Variants in RND2 observed in about 807,000 individuals in gnomAD.
RND2 encodes the protein Rho family GTPase 2.
RND2 carries 16 observed loss-of-function variants against 25.9 expected under a neutral mutation model. That is an observed-to-expected ratio of 0.62 (90% CI 0.42 to 0.94). The LOEUF is 0.94. RND2 is among the 40% of genes least tolerant of loss of function. The pLI, the probability that RND2 is intolerant of heterozygous loss-of-function variation, is 0.00. For missense variants in RND2, 276 were observed against 305.5 expected, an observed-to-expected ratio of 0.90 and a Z score of 0.72; for synonymous variants, 97 against 118.1, an observed-to-expected ratio of 0.82 and a Z score of 1.16.
At chr17:43,026,598 G>A (rs908881259) in intron 2 of RND2, among the ~76,000 whole-genome samples, 4 of 152,220 alleles carry the variant, frequency 2.6e-5, no homozygotes, top group Admixed American at 6.5e-5. Context: ...GCAGTGAGCC[G>A]AGATCATGCC....
intron 2 of RND2, chr17:43,026,347 G>T: frequency 2.8e-6 from 1 of 350,994 alleles, no homozygotes. Context: ...GATAAGACTG[G>T]GTTTAGAAAA....
chr17:43,030,260 C>G lies in RND2; in HGVS notation c.*1580C>G, dbSNP rs544065735. On this transcript the variant is annotated 3_prime_UTR_variant, in exon 5 of 5. Transcript: ENST00000587250. Reference sequence around the variant, plus strand: ...CCACTGGCCTCTTTTCGGTGACATTCTCCCCCAGGAACCATCCCTGGCCCT... The same window carrying G: ...CCACTGGCCTCTTTTCGGTGACATTGTCCCCCAGGAACCATCCCTGGCCCT... 5.2e-5 allele frequency: 8 copies of G among 153,106 alleles called. No homozygotes were observed. In the Admixed American group the frequency reaches 5.2e-4, roughly 10 times the overall value. The allele number at this position is 153,106 out of a possible 1,614,324, so 9.5% of individuals were successfully genotyped here. A position where few individuals can be genotyped will look rare whatever the true frequency, so the allele number is the denominator to read the frequency against.
chr17:43,029,799 C>CAGGAGA lies in RND2; in HGVS notation c.*1121_*1126dup, dbSNP rs2050657342. 6.7e-6 allele frequency: 1 copy of CAGGAGA among 148,472 alleles called. No homozygotes were observed. Among genetic ancestry groups the CAGGAGA allele is most frequent in the South Asian group, 2.1e-4 (1 of 4,716 alleles). 9.2% of individuals were successfully genotyped at this position (148,472 alleles called of 1,614,324 possible). A position where few individuals can be genotyped will look rare whatever the true frequency, so the allele number is the denominator to read the frequency against. ...GTCCCAGCTGCTCGGGAGGCTGAGG[C>CAGGAGA]AGGAGAATGGTGTGAACCCGGGTGA... On this transcript the variant is annotated 3_prime_UTR_variant, in exon 5 of 5. Transcript: ENST00000587250.
rs1164151163 is a variant in RND2 at position 43,027,344 on chromosome 17, T to A, written c.300+52T>A. On this transcript the variant is annotated intron_variant, in intron 3 of 4. Coordinates refer to ENST00000587250, the MANE Select transcript of RND2 (RefSeq NM_005440.5). ...TAGACTGAGGGGGACCAGACCACCA[T>A]GGTCCTGACATAACATGGGCCAGGA... is the stretch of plus-strand genomic sequence containing the variant. 5 of 1,260,918 alleles carry A rather than the reference T, an allele frequency of 4.0e-6. No homozygotes were observed. In the South Asian group the frequency reaches 6.6e-5, roughly 17 times the overall value. 78.1% of individuals were successfully genotyped at this position (1,260,918 alleles called of 1,614,324 possible).
intron 2 of RND2, 146 bp from the exon 3 acceptor site, chr17:43,027,037 T>G (rs1289377005): frequency 6.1e-6 from 3 of 490,586 alleles, no homozygotes; most frequent in South Asian, 8.9e-5. Flanking sequence ...AAACCCAGAC[T>G]CCATGATGGG....
Position 43,028,423 on chromosome 17 carries a change from C to G in RND2, c.436-9C>G. 2 of 1,611,592 alleles carry G rather than the reference C, an allele frequency of 1.2e-6. No homozygotes were observed. The highest frequency in any genetic ancestry group is 1.7e-6 in the Non-Finnish European group (2 of 1,177,842). ...ATAACTTTCTCCCATGCACTCCTTC[C>G]TTTTCCAGGGCACTGTGCTGGCCAA... is the stretch of plus-strand genomic sequence containing the variant. On this transcript the variant is annotated splice_polypyrimidine_tract_variant and intron_variant, in intron 4 of 4. Transcript: ENST00000587250.
Position 43,025,275 on chromosome 17 carries a change from T to C in RND2, c.-73T>C, listed in dbSNP as rs2050609996. ...GTGTTGGCGGCCCGAGCGGCTGCAG[T>C]TGCAGGGGCGGGGGAGGCGGCGGCG... On this transcript the variant is annotated 5_prime_UTR_variant, in exon 1 of 5. Coordinates refer to ENST00000587250, the MANE Select transcript of RND2 (RefSeq NM_005440.5). 7.6e-7 allele frequency: 1 copy of C among 1,324,420 alleles called. No individual in the cohort carries two copies. Among genetic ancestry groups the C allele is most frequent in the Admixed American group, 2.8e-5 (1 of 35,654 alleles). 82.0% of individuals were successfully genotyped at this position (1,324,420 alleles called of 1,614,324 possible). A position where few individuals can be genotyped will look rare whatever the true frequency, so the allele number is the denominator to read the frequency against.
rs761872784 is a variant in RND2 at position 43,025,428 on chromosome 17, C to T, written c.81C>T (p.Phe27=). The change falls in exon 1 of 5, where the codon TTC becomes TTT. Residue 27 remains phenylalanine, a synonymous_variant. Coordinates refer to ENST00000587250, the MANE Select transcript of RND2 (RefSeq NM_005440.5). ...GCAAGACGGCGCTGCTGCAGGTGTT[C>T]GCCAAGGACGCCTATCCCGGGGTGA... ...ECGKTALLQV[F]AKDAYPGSYV... is the part of the protein sequence containing the mutation. 2 of 1,548,078 alleles carry T rather than the reference C, an allele frequency of 1.3e-6. No homozygotes were observed. Among genetic ancestry groups the T allele is most frequent in the Non-Finnish European group, 8.7e-7 (1 of 1,146,634 alleles).
In RND2 at chr17:43,025,983, G is replaced by A; in HGVS notation, c.126G>A (p.Glu42=). The change falls in exon 2 of 5, where the codon GAG becomes GAA. Residue 42 remains glutamate, a synonymous_variant. Coordinates refer to ENST00000587250, the MANE Select transcript of RND2 (RefSeq NM_005440.5). ...YPGSYVPTVF[E]NYTASFEIDK... ...AGAGTTATGTCCCCACCGTGTTTGA[G>A]AACTACACTGCGAGCTTTGAGATCG... 1 of 1,612,926 alleles carries A rather than the reference G, an allele frequency of 6.2e-7. No homozygotes were observed. Among genetic ancestry groups the A allele is most frequent in the East Asian group, 2.2e-5 (1 of 44,822 alleles).
In RND2 at chr17:43,030,869, T is replaced by C. The variant is rs2050667332; in HGVS notation, c.*2189T>C. The C allele has an allele frequency of 6.6e-6, 1 of 151,598 alleles. No individual in the cohort carries two copies. Among genetic ancestry groups the C allele is most frequent in the Non-Finnish European group, 1.5e-5 (1 of 67,904 alleles). 9.4% of individuals were successfully genotyped at this position (151,598 alleles called of 1,614,324 possible). Reference sequence around the variant, plus strand: ...GCCACCAGGAATTTCAGGCAGAGAGTGAAGTGATCAGAGTTGTTTTTTGGA... The same window carrying C: ...GCCACCAGGAATTTCAGGCAGAGAGCGAAGTGATCAGAGTTGTTTTTTGGA... On this transcript the variant is annotated 3_prime_UTR_variant, in exon 5 of 5. Coordinates refer to ENST00000587250, the MANE Select transcript of RND2 (RefSeq NM_005440.5).
Position 43,028,909 on chromosome 17 carries a change from G to A in RND2, c.*229G>A, listed in dbSNP as rs1173052881. On this transcript the variant is annotated 3_prime_UTR_variant, in exon 5 of 5. Coordinates refer to ENST00000587250, the MANE Select transcript of RND2 (RefSeq NM_005440.5). ...GGGAGCTAACAGGGCTGGCATCTGG[G>A]GCATGAACTGGGATGGGGCAGGTGG... 3 of 621,934 alleles carry A rather than the reference G, an allele frequency of 4.8e-6. No homozygotes were observed. In the African/African-American group the frequency reaches 5.5e-5, roughly 12 times the overall value. The allele number at this position is 621,934 out of a possible 1,614,324, so 38.5% of individuals were successfully genotyped here.
Position 43,025,377 on chromosome 17 carries a change from C to G in RND2, c.30C>G (p.Ile10Met). MEGQSGRCK[I>M]VVVGDAECGK... ...AGGGGCAGAGCGGCCGCTGCAAGAT[C>G]GTGGTGGTGGGAGACGCAGAGTGCG... Residue 10 changes from isoleucine to methionine, a missense_variant, in exon 1 of 5, where the codon ATC (isoleucine) becomes ATG (methionine). Transcript: ENST00000587250. The G allele has an allele frequency of 1.3e-6, 2 of 1,551,474 alleles. No individual in the cohort carries two copies. The highest frequency in any genetic ancestry group is 1.4e-5 in the African/African-American group (1 of 73,442).
rs1256541237 is a variant in RND2 at position 43,029,184 on chromosome 17, C to T, written c.*504C>T. The T allele has an allele frequency of 1.9e-5, 3 of 154,950 alleles. No homozygotes were observed. The highest frequency in any genetic ancestry group is 4.3e-5 in the Non-Finnish European group (3 of 69,692). 9.6% of individuals were successfully genotyped at this position (154,950 alleles called of 1,614,324 possible). A position where few individuals can be genotyped will look rare whatever the true frequency, so the allele number is the denominator to read the frequency against. On this transcript the variant is annotated 3_prime_UTR_variant, in exon 5 of 5. Coordinates refer to ENST00000587250, the MANE Select transcript of RND2 (RefSeq NM_005440.5). ...CATCAGTCCACCAGCCCTAGAACCT[C>T]CCTTGCCTCAACAGTCACCTAATAA...
chr17:43,026,006 T>C lies in RND2; in HGVS notation c.149T>C (p.Ile50Thr). The change falls in exon 2 of 5, where the codon ATC becomes ACC. Residue 50 changes from isoleucine (I) to threonine (T), a missense_variant. Coordinates refer to ENST00000587250, the MANE Select transcript of RND2 (RefSeq NM_005440.5). The part of the protein sequence containing the change: ...VFENYTASFE[I>T]DKRRIELNMW... ...GAGAACTACACTGCGAGCTTTGAGA[T>C]CGACAAGCGCCGCATTGAGCTCAAC... The C allele has an allele frequency of 6.2e-6, 10 of 1,612,946 alleles. No individual in the cohort carries two copies. Among genetic ancestry groups the C allele is most frequent in the Non-Finnish European group, 6.8e-6 (8 of 1,179,226 alleles).
In RND2 at chr17:43,030,723, G is replaced by A. The variant is rs888173321; in HGVS notation, c.*2043G>A. The A allele has an allele frequency of 2.6e-5, 4 of 152,214 alleles. No individual in the cohort carries two copies. The highest frequency in any genetic ancestry group is 9.7e-5 in the African/African-American group (4 of 41,402). The allele number at this position is 152,214 out of a possible 1,614,324, so 9.4% of individuals were successfully genotyped here. On this transcript the variant is annotated 3_prime_UTR_variant, in exon 5 of 5. Transcript: ENST00000587250. The stretch of plus-strand genomic sequence containing the variant: ...ATGAGAATGAGCATAGCACTGTTGG[G>A]GCTCCCATGGCAGGGAGAATAGAAG...
intron 1 of RND2, 82 bp from the exon 2 acceptor site, chr17:43,025,878 C>A: frequency 5.2e-6 from 4 of 764,640 alleles, no homozygotes; most frequent in Non-Finnish European, 5.8e-6. Flanking sequence ...CTGGGCTGGA[C>A]GGGGTGTGGG....
chr17:43,025,361 GC>G lies in RND2; in HGVS notation c.15del (p.Ser5ArgfsTer126). On this transcript the variant is annotated frameshift_variant, in exon 1 of 5. Coordinates refer to ENST00000587250, the MANE Select transcript of RND2 (RefSeq NM_005440.5). LOFTEE classifies it high-confidence loss of function. The stretch of plus-strand genomic sequence containing the variant: ...GTAGCCGGGACCATGGAGGGGCAGA[GC>G]GGCCGCTGCAAGATCGTGGTGGTGG... MEGQ[S>X]GRCKIVVVGD... 6.5e-7 allele frequency: 1 copy of G among 1,549,904 alleles called. No homozygotes were observed. The highest frequency in any genetic ancestry group is 8.7e-7 in the Non-Finnish European group (1 of 1,147,376).
chr17:43,027,353 C>G, intron 3 of RND2, 61 bp downstream of exon 3: 1 of 1,157,666 alleles, frequency 8.6e-7, no homozygotes, highest in Non-Finnish European at 1.3e-6. Context: ...ATGGTCCTGA[C>G]ATAACATGGG....
In RND2 at chr17:43,028,714, G is replaced by A; in HGVS notation, c.*34G>A. Reference sequence around the variant, plus strand: ...GAGAGGGCAGAGTGTGAAGAGGGGTGGTGAGGGACACAATTGTTCCCCTGC... The same window carrying A: ...GAGAGGGCAGAGTGTGAAGAGGGGTAGTGAGGGACACAATTGTTCCCCTGC... On this transcript the variant is annotated 3_prime_UTR_variant, in exon 5 of 5. Coordinates refer to ENST00000587250, the MANE Select transcript of RND2 (RefSeq NM_005440.5). The A allele has an allele frequency of 2.6e-6, 4 of 1,525,130 alleles. No individual in the cohort carries two copies. The highest frequency in any genetic ancestry group is 1.2e-5 in the South Asian group (1 of 83,050). 94.5% of individuals were successfully genotyped at this position (1,525,130 alleles called of 1,614,324 possible). A position where few individuals can be genotyped will look rare whatever the true frequency, so the allele number is the denominator to read the frequency against.
Sources: gnomAD v4.1 joint callset for allele counts (sites outside exome capture counted in the v4.1 genomes callset) on GRCh38, gnomAD v4.1.1 for gene constraint, MANE v1.5 for transcripts, NCBI Gene and HGNC (gene_info 2026-07-23, HGNC 2026-07-21) for gene names.